The following SCML4 variants were observed in gnomAD, a reference collection of about 807,000 sequenced individuals.
SCML4 encodes the protein sex comb on midleg-like protein 4.
In SCML4, 34 loss-of-function variants were observed where a neutral mutation model predicts 41.1. The ratio of observed to expected loss-of-function variants is 0.83; its 90% CI spans 0.63 to 1.10. The LOEUF (loss-of-function observed/expected upper bound fraction) is 1.10. Ranked by LOEUF, SCML4 falls within the 50% of genes least tolerant of loss-of-function variation. SCML4 has a pLI of 0.00. For synonymous variants in SCML4, 214 were observed against 220.9 expected (o/e 0.97, Z 0.28); for missense variants, 522 against 534.1 (o/e 0.98, Z 0.22).
chr6:107,762,042 T>C (rs75973380), intron 2 of SCML4, among the ~76,000 whole-genome samples: 1 of 152,042 alleles, frequency 6.6e-6, no homozygotes, highest in Non-Finnish European at 1.5e-5. Context: ...TAATGATGAC[T>C]GGAGGGGCTA....
At chr6:107,784,456 G>T (rs1406511308) in intron 1 of SCML4, among the ~76,000 whole-genome samples, 1 of 152,186 alleles carries the variant, frequency 6.6e-6, no homozygotes, top group Non-Finnish European at 1.5e-5. Flanking sequence ...GGGTAAAGAA[G>T]ATGCATGTAA....
At chr6:107,815,297 GGT>G (rs1784482797) in intron 1 of SCML4, among the ~76,000 whole-genome samples, 1 of 152,106 alleles carries the variant, frequency 6.6e-6, no homozygotes, top group Non-Finnish European at 1.5e-5. Flanking sequence ...AGGGATGCTG[GGT>G]GTCCCTCAGT....
At chr6:107,752,946 C>T (rs1225559847) in intron 2 of SCML4, among the ~76,000 whole-genome samples, 3 of 152,114 alleles carry the variant, frequency 2.0e-5, no homozygotes, top group East Asian at 3.9e-4. Flanking sequence ...AGGGTAGCTC[C>T]TGATTGGAAA....
intron 5 of SCML4, among the ~76,000 whole-genome samples, chr6:107,737,100 A>G (rs572922101): frequency 2.0e-5 from 3 of 152,380 alleles, no homozygotes; most frequent in African/African-American, 7.2e-5. Context: ...AATTCAAGTC[A>G]GTAGGTATTT....
intron 1 of SCML4, among the ~76,000 whole-genome samples, chr6:107,797,169 G>A (rs748498583): frequency 6.6e-6 from 1 of 151,878 alleles, no homozygotes; most frequent in African/African-American, 2.4e-5. Flanking sequence ...TTCCATATAA[G>A]TGCAAAAAAC....
chr6:107,803,811 T>C (rs573245756), intron 1 of SCML4, among the ~76,000 whole-genome samples: 19 of 150,854 alleles, frequency 1.3e-4, no homozygotes, highest in Middle Eastern at 3.4e-3. Context: ...GGATTAAGGG[T>C]GGTGCAAGAT....
At chr6:107,717,215 G>A (rs1774924119) in intron 6 of SCML4, among the ~76,000 whole-genome samples, 1 of 145,794 alleles carries the variant, frequency 6.9e-6, no homozygotes, top group Admixed American at 6.8e-5. Context: ...AGCTACTCAG[G>A]AGGCTGAGGC....
intron 7 of SCML4, among the ~76,000 whole-genome samples, chr6:107,707,553 T>G (rs9400136): frequency 0.11 from 17,096 of 152,154 alleles, 1,264 homozygotes; most frequent in East Asian, 0.37. Flanking sequence ...GTCGTTGGTG[T>G]GCTGTGAATG....
chr6:107,809,987 C>T (rs141458331), intron 1 of SCML4, among the ~76,000 whole-genome samples: 6 of 152,222 alleles, frequency 3.9e-5, no homozygotes, highest in African/African-American at 7.2e-5. Context: ...AACCTGTGGG[C>T]GTCTCTCTGT....
chr6:107,714,670 A>T (rs894621352), intron 6 of SCML4, among the ~76,000 whole-genome samples: 4 of 152,184 alleles, frequency 2.6e-5, no homozygotes, highest in African/African-American at 9.7e-5. Context: ...GCTAGGACCA[A>T]CCAAAACCTG....
chr6:107,721,075 G>C, intron 5 of SCML4, 82 bp from the exon 6 acceptor site: 2 of 1,486,766 alleles, frequency 1.3e-6, no homozygotes. Context: ...GGCAAACCCT[G>C]CCCTGCCAAC....
intron 1 of SCML4, among the ~76,000 whole-genome samples, chr6:107,820,610 A>G (rs1306252885): frequency 6.6e-6 from 1 of 152,234 alleles, no homozygotes; most frequent in Non-Finnish European, 1.5e-5. Flanking sequence ...CACGGGTGAG[A>G]GTTTGCAAAA....
At chr6:107,714,349 C>A (rs1276878229) in intron 6 of SCML4, among the ~76,000 whole-genome samples, 1 of 152,122 alleles carries the variant, frequency 6.6e-6, no homozygotes, top group African/African-American at 2.4e-5. Context: ...CTCCTCCCTA[C>A]TGACCCTCCC....
Position 107,813,370 on chromosome 6 carries a change from TTATATATATATATATATATATATA to T in SCML4, c.-60+10732_-60+10755del, listed in dbSNP as rs543060112. ...AGAGTGAGACGCCATCTCAAAAAAA[TTATATATATATATATATATATATA>T]TATATATATATATATATATATATAT... On this transcript the variant is annotated intron_variant, in intron 1 of 7. Coordinates refer to ENST00000369020, the MANE Select transcript of SCML4 (RefSeq NM_198081.5). Among the ~76,000 whole-genome samples the T allele has an allele frequency of 4.2e-4, 18 of 42,452 alleles. 1 individual carries two copies. The highest frequency in any genetic ancestry group is 1.4e-3 in the African/African-American group (10 of 7,336). The allele number at this position is 42,452 out of a possible 152,430, so 27.9% of individuals were successfully genotyped here. A position where few individuals can be genotyped will look rare whatever the true frequency, so the allele number is the denominator to read the frequency against.
intron 2 of SCML4, among the ~76,000 whole-genome samples, chr6:107,770,741 T>C (rs1293143636): frequency 6.6e-6 from 1 of 152,226 alleles, no homozygotes; most frequent in African/African-American, 2.4e-5. Flanking sequence ...GAATTTTCCA[T>C]TCTTCCTGGC....
At chr6:107,743,898 G>A (rs1002016021) in intron 5 of SCML4, 1 of 152,192 alleles carries the variant, frequency 6.6e-6, no homozygotes, top group Non-Finnish European at 1.5e-5. Context: ...CTTATGATAA[G>A]TATCCTTTTG....
At chr6:107,803,137 C>G (rs541978503) in intron 1 of SCML4, among the ~76,000 whole-genome samples, 1 of 148,084 alleles carries the variant, frequency 6.8e-6, no homozygotes, top group Admixed American at 6.6e-5. Flanking sequence ...AGCAAAGTGC[C>G]GAGATTGCGC....
chr6:107,718,494 G>T (rs985227625), intron 6 of SCML4: 2 of 152,374 alleles, frequency 1.3e-5, no homozygotes, highest in African/African-American at 2.4e-5. Context: ...AGAACAAAGG[G>T]CCGGTATGGG....
intron 2 of SCML4, among the ~76,000 whole-genome samples, chr6:107,771,950 A>C (rs1780552094): frequency 6.6e-6 from 1 of 152,198 alleles, no homozygotes; most frequent in Non-Finnish European, 1.5e-5. Context: ...CATCTGGTGT[A>C]ATTTGCTTTC....
Sources: allele counts gnomAD v4.1 joint callset (sites outside exome capture counted in the v4.1 genomes callset), GRCh38; gene constraint gnomAD v4.1.1; transcripts MANE v1.5; gene names NCBI Gene and HGNC (gene_info 2026-07-23, HGNC 2026-07-21).